Variants in B3GNT2 observed in about 807,000 individuals in gnomAD.
B3GNT2 encodes the protein UDP-GlcNAc:betaGal beta-1,3-N-acetylglucosaminyltransferase 2.
A neutral mutation model predicts 27.6 loss-of-function variants in B3GNT2; 12 were observed. The observed-to-expected ratio is 0.44, with a 90% CI of 0.28 to 0.71. The LOEUF (loss-of-function observed/expected upper bound fraction) is 0.71. Among genes scored for constraint, B3GNT2 ranks in the 30% least tolerant of loss-of-function variants. B3GNT2 has a pLI of 0.17. For missense variants in B3GNT2, 413 were observed against 488.5 expected, an observed-to-expected ratio of 0.85 and a Z score of 1.46; for synonymous variants, 192 against 189.7, an observed-to-expected ratio of 1.01 and a Z score of -0.10.
chr2:62,221,812 A>G (rs767924539), intron 1 of B3GNT2: 8 of 519,452 alleles, frequency 1.5e-5, no homozygotes, highest in Non-Finnish European at 2.7e-5. Flanking sequence ...TCGGTTTGCC[A>G]AGCACTGTAT....
intron 1 of B3GNT2, among the ~76,000 whole-genome samples, chr2:62,207,003 A>G (rs1486731091): frequency 6.6e-6 from 1 of 152,276 alleles, no homozygotes. Flanking sequence ...TGTCATTTGT[A>G]TAATTGTGAA....
chr2:62,219,336 G>A (rs1443079122), intron 1 of B3GNT2, among the ~76,000 whole-genome samples: 2 of 152,140 alleles, frequency 1.3e-5, no homozygotes, highest in Non-Finnish European at 2.9e-5. Flanking sequence ...TTTTTCCTGA[G>A]TAGTTTTGCT....
chr2:62,216,028 G>A (rs1045602374), intron 1 of B3GNT2, among the ~76,000 whole-genome samples: 4 of 152,134 alleles, frequency 2.6e-5, no homozygotes, highest in Non-Finnish European at 2.9e-5. Flanking sequence ...AGTTACTGTC[G>A]GGCATCTTTT....
At chr2:62,213,897 A>G (rs1674524376) in intron 1 of B3GNT2, among the ~76,000 whole-genome samples, 1 of 152,106 alleles carries the variant, frequency 6.6e-6, no homozygotes. Flanking sequence ...CAGATGACCA[A>G]AGTATCTGTT....
chr2:62,213,476 C>A (rs1162578872), intron 1 of B3GNT2, among the ~76,000 whole-genome samples: 1 of 152,092 alleles, frequency 6.6e-6, no homozygotes, highest in African/African-American at 2.4e-5. Flanking sequence ...GATAAGGGTG[C>A]AGGAGGGATA....
chr2:62,222,092 C>A lies in B3GNT2; in HGVS notation c.-9-120C>A. The A allele has an allele frequency of 1.1e-6, 1 of 874,746 alleles. No homozygotes were observed. The highest frequency in any genetic ancestry group is 1.7e-6 in the Non-Finnish European group (1 of 578,492). The allele number at this position is 874,746 out of a possible 1,614,324, so 54.2% of individuals were successfully genotyped here. A position where few individuals can be genotyped will look rare whatever the true frequency, so the allele number is the denominator to read the frequency against. ...GGAAGGGCCAAGATTTGAACCTAGG[C>A]AGTGCAAGTGTAGAGTCTTTGCTGT... On this transcript the variant is annotated intron_variant, in intron 1 of 1. Transcript: ENST00000301998. The surrounding 1 kb of genome is among the most constrained non-coding windows in gnomAD (Gnocchi z 4.2).
intron 1 of B3GNT2, among the ~76,000 whole-genome samples, chr2:62,200,285 T>TA (rs35821081): frequency 1.1e-3 from 174 of 152,014 alleles, no homozygotes; most frequent in Non-Finnish European, 1.9e-3. Context: ...ATCTATAACT[T>TA]AAAAAAAACA....
intron 1 of B3GNT2, among the ~76,000 whole-genome samples, chr2:62,213,197 G>A (rs1252858221): frequency 2.0e-5 from 3 of 152,120 alleles, no homozygotes; most frequent in Non-Finnish European, 2.9e-5. Context: ...CCAGCTGCTC[G>A]AGAGGCTGAG....
rs548003529 is a variant in B3GNT2, at chr2:62,199,203, T to G, written c.-10+2848T>G. 2.1e-4 allele frequency among the ~76,000 whole-genome samples: 32 copies of G among 152,330 alleles called. No individual in the cohort carries two copies. In the East Asian group the frequency reaches 6.0e-3, roughly 28 times the overall value. On this transcript the variant is annotated intron_variant, in intron 1 of 1. Transcript: ENST00000301998. ...ATCCACCCGCCTAGGCCTCCCAAAG[T>G]GCTGGGATTACAGACGTAAGCCACC...
At chr2:62,210,329 T>C (rs2104197960) in intron 1 of B3GNT2, among the ~76,000 whole-genome samples, 1 of 152,266 alleles carries the variant, frequency 6.6e-6, no homozygotes, top group African/African-American at 2.4e-5. Context: ...CATTTTTTAG[T>C]TTGTTGTGGA....
At chr2:62,221,266 A>G (rs1175315065) in intron 1 of B3GNT2, among the ~76,000 whole-genome samples, 1 of 152,234 alleles carries the variant, frequency 6.6e-6, no homozygotes, top group Non-Finnish European at 1.5e-5. Context: ...CCGAGGGGAT[A>G]TACCATTGTA....
Position 62,222,415 on chromosome 2 carries a change from G to A in B3GNT2, c.195G>A (p.Lys65=). 6.2e-7 allele frequency: 1 copy of A among 1,614,148 alleles called. No homozygotes were observed. The change falls in exon 2 of 2, where the codon AAG becomes AAA. Residue 65 remains lysine, a synonymous_variant. Transcript: ENST00000301998. This position sits in a 1 kb window ranked among gnomAD's most constrained non-coding sequence, Gnocchi z 4.2. ...PEAYWNREQE[K]LNRQYNPILS... is the part of the protein sequence containing the mutation. ...CATACTGGAACCGAGAGCAAGAGAA[G>A]CTGAACCGGCAGTACAACCCCATCC...
chr2:62,214,627 C>T (rs377593127), intron 1 of B3GNT2, among the ~76,000 whole-genome samples: 6 of 152,116 alleles, frequency 3.9e-5, no homozygotes, highest in Non-Finnish European at 5.9e-5. Flanking sequence ...CAGTGAAGGA[C>T]GGAACTTTGA....
chr2:62,212,494 T>C (rs1014614835), intron 1 of B3GNT2, among the ~76,000 whole-genome samples: 6 of 151,888 alleles, frequency 4.0e-5, no homozygotes, highest in African/African-American at 1.5e-4. Context: ...TAAGCTCCTA[T>C]GGAGGGAGGC....
chr2:62,211,827 T>C (rs1266537152), intron 1 of B3GNT2, among the ~76,000 whole-genome samples: 1 of 152,196 alleles, frequency 6.6e-6, no homozygotes, highest in Non-Finnish European at 1.5e-5. Flanking sequence ...TGCTTCTCTC[T>C]ACATTTCTGA....
Position 62,211,313 on chromosome 2 carries a change from G to A in B3GNT2, c.-9-10899G>A, listed in dbSNP as rs1025570436. ...TGAGGCTGCAGTGAGCTGTGATTGC[G>A]CCACTGCACTTCAACCTGGGTGACA... On this transcript the variant is annotated intron_variant, in intron 1 of 1. Coordinates refer to ENST00000301998, the MANE Select transcript of B3GNT2 (RefSeq NM_006577.6). Among the ~76,000 whole-genome samples the A allele has an allele frequency of 3.9e-5, 6 of 152,248 alleles. No homozygotes were observed. In the South Asian group the frequency reaches 6.2e-4, roughly 16 times the overall value.
At chr2:62,206,170 G>C (rs1319730309) in intron 1 of B3GNT2, among the ~76,000 whole-genome samples, 4 of 152,136 alleles carry the variant, frequency 2.6e-5, no homozygotes, top group Non-Finnish European at 4.4e-5. Context: ...GGGTTTTAGG[G>C]GTGGCCTGCC....
chr2:62,222,108 T>C lies in B3GNT2; in HGVS notation c.-9-104T>C. On this transcript the variant is annotated intron_variant, in intron 1 of 1. Coordinates refer to ENST00000301998, the MANE Select transcript of B3GNT2 (RefSeq NM_006577.6). The surrounding 1 kb of genome is among the most constrained non-coding windows in gnomAD (Gnocchi z 4.2). Reference sequence around the variant, plus strand: ...GAACCTAGGCAGTGCAAGTGTAGAGTCTTTGCTGTAAACCACTATTCCTGG... The same window carrying C: ...GAACCTAGGCAGTGCAAGTGTAGAGCCTTTGCTGTAAACCACTATTCCTGG... 2.0e-6 allele frequency: 2 copies of C among 1,024,408 alleles called. No individual in the cohort carries two copies. Among genetic ancestry groups the C allele is most frequent in the Non-Finnish European group, 2.8e-6 (2 of 709,372 alleles). 63.5% of individuals were successfully genotyped at this position (1,024,408 alleles called of 1,614,324 possible).
chr2:62,223,767 C>T lies in B3GNT2; in HGVS notation c.*353C>T, dbSNP rs1312726585. 1.1e-5 allele frequency: 2 copies of T among 189,020 alleles called. No individual in the cohort carries two copies. The highest frequency in any genetic ancestry group is 1.2e-5 in the Non-Finnish European group (1 of 82,318). 11.7% of individuals were successfully genotyped at this position (189,020 alleles called of 1,614,324 possible). ...ATATTCCTACTTCCCATAATAATGA[C>T]TGATTTATTTGTAATTCAGGTATTT... On this transcript the variant is annotated 3_prime_UTR_variant, in exon 2 of 2. Transcript: ENST00000301998.
Sources: gnomAD v4.1 joint callset for allele counts (sites outside exome capture counted in the v4.1 genomes callset) on GRCh38, gnomAD v4.1.1 for gene constraint, Gnocchi (gnomAD v3.1) non-coding constraint, MANE v1.5 for transcripts, NCBI Gene and HGNC (gene_info 2026-07-23, HGNC 2026-07-21) for gene names.